KIF11: variants seen among roughly 807,000 people sequenced by gnomAD.
KIF11 encodes kinesin-like protein KIF11.
A neutral mutation model predicts 121.0 loss-of-function variants in KIF11; 9 were observed. That is an observed-to-expected ratio of 0.07 (90% confidence interval 0.04 to 0.13). The LOEUF (loss-of-function observed/expected upper bound fraction) is 0.13. KIF11 is among the 10% of genes least tolerant of loss of function. The probability of loss-of-function intolerance (pLI) is 1.00; values close to 1 mark genes in which losing one functional copy is unlikely to be tolerated. For synonymous variants in KIF11, 408 were observed against 421.0 expected (o/e 0.97, Z 0.38); for missense variants, 846 against 1,217.5 (o/e 0.69, Z 4.54).
intron 9 of KIF11, among the ~76,000 whole-genome samples, chr10:92,620,119 T>C (rs1311101598): frequency 1.3e-5 from 2 of 150,324 alleles, no homozygotes; most frequent in African/African-American, 4.9e-5. Context: ...CTCGCTCTGT[T>C]GCCCAGGCTA....
chr10:92,643,723 A>ATT (rs1461211930), intron 17 of KIF11, among the ~76,000 whole-genome samples: 1 of 151,756 alleles, frequency 6.6e-6, no homozygotes, highest in Non-Finnish European at 1.5e-5. Context: ...TGCCCGGCTA[A>ATT]TTTTTGTATT....
At position 92,613,127 on chromosome 10, in the gene KIF11, C is replaced by T. The variant is rs771095237; in HGVS notation, c.786C>T (p.Asn262=). The change falls in exon 7 of 22, where the codon AAC becomes AAT. Residue 262 remains asparagine, a synonymous_variant. Transcript: ENST00000260731. The surrounding 1 kb of genome is among the most constrained non-coding windows in gnomAD (Gnocchi z 4.2). ...AGCTTGTTAAAATCGGAAAGTTGAACTTGGTAAGCATCCACCTTAATACTA... is the reference window on the plus strand; with the variant it reads ...AGCTTGTTAAAATCGGAAAGTTGAATTTGGTAAGCATCCACCTTAATACTA... The part of the protein sequence containing the change: ...GEELVKIGKL[N]LVDLAGSENI... 1.2e-6 allele frequency: 2 copies of T among 1,603,406 alleles called. No individual in the cohort carries two copies. The highest frequency in any genetic ancestry group is 1.1e-5 in the South Asian group (1 of 90,798).
chr10:92,595,183 T>G (rs1844281168), intron 1 of KIF11, among the ~76,000 whole-genome samples: 1 of 152,156 alleles, frequency 6.6e-6, no homozygotes, highest in African/African-American at 2.4e-5. Context: ...CTTCAGCCTC[T>G]CAGGTAGCTG....
chr10:92,619,822 A>C (rs1010653823), intron 9 of KIF11, among the ~76,000 whole-genome samples: 1 of 150,294 alleles, frequency 6.7e-6, no homozygotes, highest in South Asian at 2.1e-4. Context: ...ATATTTATAT[A>C]TAACATATAC....
At chr10:92,611,913 A>G (rs1844501603) in intron 6 of KIF11, among the ~76,000 whole-genome samples, 2 of 152,132 alleles carry the variant, frequency 1.3e-5, no homozygotes, top group South Asian at 4.1e-4. Flanking sequence ...TAAAAAAGAT[A>G]CTTAATTTTT....
chr10:92,625,467 G>T (rs1415875856), intron 10 of KIF11, among the ~76,000 whole-genome samples: 1 of 151,464 alleles, frequency 6.6e-6, no homozygotes, highest in Non-Finnish European at 1.5e-5. Context: ...TCCTGCCTCA[G>T]CCTCCGAAGT....
At chr10:92,636,632 G>T (rs992109748) in intron 14 of KIF11, among the ~76,000 whole-genome samples, 1 of 151,700 alleles carries the variant, frequency 6.6e-6, no homozygotes, top group African/African-American at 2.4e-5. Flanking sequence ...AAGAAAAAAA[G>T]AAATTCTGTG....
intron 6 of KIF11, 97 bp from the exon 7 acceptor site, chr10:92,612,943 A>T (rs1160331465): frequency 1.7e-5 from 11 of 666,490 alleles, no homozygotes; most frequent in African/African-American, 3.6e-5. Context: ...TTCTCTACTC[A>T]TGTGGATTTA....
Position 92,639,865 on chromosome 10 carries a change from G to C in KIF11, c.2232G>C (p.Gln744His). The stretch of plus-strand genomic sequence containing the variant: ...TGGAGGAAAAGTGTGAAAATATACA[G>C]AAACCACTTAGTAGTGTCCAGGAAA... ...CALEEKCENI[Q>H]KPLSSVQENI... The change falls in exon 17 of 22, where the codon CAG (glutamine) becomes CAC (histidine). Residue 744 changes from glutamine (Q) to histidine (H), a missense_variant. Gln to His is a conservative substitution (Grantham distance 24). Around this residue, in one of 5 missense-constraint regions of KIF11, gnomAD observed 492 missense variants for 603.4 expected, o/e 0.82. Coordinates refer to ENST00000260731, the MANE Select transcript of KIF11 (RefSeq NM_004523.4). 1 of 1,608,726 alleles carries C rather than the reference G, an allele frequency of 6.2e-7. No individual in the cohort carries two copies. The highest frequency in any genetic ancestry group is 8.5e-7 in the Non-Finnish European group (1 of 1,175,850).
chr10:92,639,841 G>A lies in KIF11; in HGVS notation c.2208G>A (p.Leu736=), dbSNP rs1016252908. The A allele has an allele frequency of 8.1e-6, 13 of 1,612,174 alleles. No homozygotes were observed. Among genetic ancestry groups the A allele is most frequent in the Non-Finnish European group, 1.1e-5 (13 of 1,178,926 alleles). Residue 736 remains leucine (L), a synonymous_variant, in exon 17 of 22, where the codon TTG becomes TTA. Coordinates refer to ENST00000260731, the MANE Select transcript of KIF11 (RefSeq NM_004523.4). ...MNLWTERFCA[L]EEKCENIQKP... ...TTTGGACAGAGAGATTCTGTGCTTTGGAGGAAAAGTGTGAAAATATACAGA... is the reference window on the plus strand; with the variant it reads ...TTTGGACAGAGAGATTCTGTGCTTTAGAGGAAAAGTGTGAAAATATACAGA...
In KIF11 at chr10:92,639,878, A is replaced by G; in HGVS notation, c.2245A>G (p.Ser749Gly). Residue 749 changes from serine to glycine, a missense_variant, in exon 17 of 22, where the codon AGT (serine) becomes GGT (glycine). Ser to Gly is a moderately conservative substitution (Grantham distance 56, BLOSUM62 0). Around this residue, in one of 5 missense-constraint regions of KIF11, gnomAD observed 492 missense variants for 603.4 expected, o/e 0.82. Coordinates refer to ENST00000260731, the MANE Select transcript of KIF11 (RefSeq NM_004523.4). ...TGAAAATATACAGAAACCACTTAGT[A>G]GTGTCCAGGAAAATATACAGCAGTA... ...KCENIQKPLS[S>G]VQENIQQKSK... is the part of the protein sequence containing the mutation. The G allele has an allele frequency of 6.3e-7, 1 of 1,595,000 alleles. No individual in the cohort carries two copies. The highest frequency in any genetic ancestry group is 1.1e-5 in the South Asian group (1 of 90,322).
chr10:92,628,924 A>C, intron 11 of KIF11, 29 bp downstream of exon 11: 1 of 1,146,918 alleles, frequency 8.7e-7, no homozygotes, highest in Non-Finnish European at 1.3e-6. Context: ...ATTTACTGTT[A>C]TGTGAAAAGC....
At chr10:92,643,218 C>T (rs1386869788) in intron 17 of KIF11, among the ~76,000 whole-genome samples, 1 of 152,122 alleles carries the variant, frequency 6.6e-6, no homozygotes, top group African/African-American at 2.4e-5. Flanking sequence ...AGCTGCCTTT[C>T]CTCATTTAAA....
Position 92,613,771 on chromosome 10 carries a change from C to T in KIF11, c.1032+152C>T, listed in dbSNP as rs1308605170. The T allele has an allele frequency of 1.4e-6, 1 of 700,716 alleles. No homozygotes were observed. Among genetic ancestry groups the T allele is most frequent in the Non-Finnish European group, 2.3e-6 (1 of 437,418 alleles). The allele number at this position is 700,716 out of a possible 1,614,324, so 43.4% of individuals were successfully genotyped here. A position where few individuals can be genotyped will look rare whatever the true frequency, so the allele number is the denominator to read the frequency against. On this transcript the variant is annotated intron_variant, in intron 8 of 21. Coordinates refer to ENST00000260731, the MANE Select transcript of KIF11 (RefSeq NM_004523.4). The surrounding 1 kb of genome is among the most constrained non-coding windows in gnomAD (Gnocchi z 4.2). ...GTCCAAGGTGGGCGGATCACTTGAG[C>T]TTAGGAGTGCCTGGGCAACATGCCG...
chr10:92,625,436 C>T (rs1189289518), intron 10 of KIF11, among the ~76,000 whole-genome samples: 1 of 151,774 alleles, frequency 6.6e-6, no homozygotes, highest in Non-Finnish European at 1.5e-5. Flanking sequence ...TCAACCTCCA[C>T]CTCCTGGGTT....
At chr10:92,650,550 A>G in intron 21 of KIF11, 33 bp downstream of exon 21, 1 of 1,125,320 alleles carries the variant, frequency 8.9e-7, no homozygotes, top group East Asian at 2.3e-5. Flanking sequence ...TCCACATCTG[A>G]TGTAAGTCAT....
rs752585899 is a variant in KIF11, at chr10:92,621,460, G to C, written c.1204G>C (p.Glu402Gln). ...AREKNGVYIS[E>Q]ENFRVMSGKL... ...TGAGAAAAATGGAGTGTATATTTCT[G>C]AAGAAAATTTTAGGTAAGCCCTTGG... Residue 402 changes from glutamate to glutamine, a missense_variant, in exon 10 of 22, where the codon GAA (glutamate) becomes CAA (glutamine). Glu to Gln is a conservative substitution (Grantham distance 29). This residue lies in a region of KIF11 where 95 missense variants were observed against 109.3 expected (regional missense o/e 0.87). Coordinates refer to ENST00000260731, the MANE Select transcript of KIF11 (RefSeq NM_004523.4). The C allele has an allele frequency of 1.6e-5, 25 of 1,608,944 alleles. No individual in the cohort carries two copies. In the South Asian group the frequency reaches 2.8e-4, roughly 18 times the overall value.
chr10:92,622,213 G>A lies in KIF11; in HGVS notation c.1217+740G>A, dbSNP rs576428648. Among the ~76,000 whole-genome samples, 4 of 152,294 alleles carry A rather than the reference G, an allele frequency of 2.6e-5. No individual in the cohort carries two copies. In the South Asian group the frequency reaches 8.3e-4, roughly 32 times the overall value. ...TGCTTGAAGCTGGGAGGCGGAGGTT[G>A]TGGTGAGCCAAGATCGCGCCATTGC... On this transcript the variant is annotated intron_variant, in intron 10 of 21. Transcript: ENST00000260731.
Position 92,633,683 on chromosome 10 carries a change from C to G in KIF11, c.1763C>G (p.Ser588Cys). Reference protein sequence around the residue: ...LDTITTVALGSLTSIPENVST... With the variant: ...LDTITTVALGCLTSIPENVST... ...ACCATTACTACAGTAGCACTTGGAT[C>G]TCTCACATCTATTCCAGAAAATGTG... Residue 588 changes from serine (S) to cysteine (C), a missense_variant, in exon 14 of 22, where the codon TCT (serine) becomes TGT (cysteine). By Grantham distance (112) the Ser-to-Cys change is moderately radical. This residue lies in a region of KIF11 where 492 missense variants were observed against 603.4 expected (regional missense o/e 0.82). Coordinates refer to ENST00000260731, the MANE Select transcript of KIF11 (RefSeq NM_004523.4). The G allele has an allele frequency of 1.2e-6, 2 of 1,603,156 alleles. No homozygotes were observed. Among genetic ancestry groups the G allele is most frequent in the South Asian group, 1.1e-5 (1 of 90,652 alleles).
Sources: gnomAD v4.1 joint callset for allele counts (sites outside exome capture counted in the v4.1 genomes callset) on GRCh38, gnomAD v4.1.1 for gene constraint, gnomAD v4.1.1 regional missense constraint, Gnocchi (gnomAD v3.1) non-coding constraint, MANE v1.5 for transcripts, NCBI Gene and HGNC (gene_info 2026-07-23, HGNC 2026-07-21) for gene names.